CHCHD6: variants seen among roughly 807,000 people sequenced by gnomAD.
CHCHD6 encodes the protein coiled-coil-helix-coiled-coil-helix domain containing 6, also known as MICOS complex subunit MIC25.
CHCHD6 carries 28 observed loss-of-function variants against 32.3 expected under a neutral mutation model. The observed-to-expected ratio is 0.87, with a 90% CI of 0.64 to 1.19. The LOEUF is 1.19. Ranked by LOEUF, CHCHD6 falls within the 50% of genes most tolerant of loss-of-function variation. CHCHD6 has a pLI of 0.00. For synonymous variants in CHCHD6, 122 were observed against 117.5 expected (o/e 1.04, Z -0.25); for missense variants, 333 against 307.0 (o/e 1.08, Z -0.63).
At chr3:126,947,171 A>G (rs1052553458) in intron 6 of CHCHD6, among the ~76,000 whole-genome samples, 6 of 152,188 alleles carry the variant, frequency 3.9e-5, no homozygotes, top group Non-Finnish European at 5.9e-5. Flanking sequence ...TGCGCCCAAG[A>G]TGGGAAGGTG....
At chr3:126,839,457 A>G (rs1326958198) in intron 4 of CHCHD6, among the ~76,000 whole-genome samples, 1 of 152,234 alleles carries the variant, frequency 6.6e-6, no homozygotes, top group Non-Finnish European at 1.5e-5. Context: ...GTGGGAATGT[A>G]TGTAGCTGTG....
intron 5 of CHCHD6, among the ~76,000 whole-genome samples, chr3:126,906,859 G>A (rs1263153849): frequency 1.3e-5 from 2 of 152,176 alleles, no homozygotes; most frequent in Non-Finnish European, 2.9e-5. Flanking sequence ...TTTTCTCCCT[G>A]GACCAATGAA....
At chr3:126,815,647 C>A (rs551622859) in intron 4 of CHCHD6, among the ~76,000 whole-genome samples, 30 of 144,970 alleles carry the variant, frequency 2.1e-4, no homozygotes, top group Admixed American at 2.0e-3. Flanking sequence ...GTTCTTGCCC[C>A]CCCCCCCCCA....
intron 4 of CHCHD6, among the ~76,000 whole-genome samples, chr3:126,786,763 A>G (rs1040933370): frequency 4.6e-5 from 7 of 152,024 alleles, no homozygotes; most frequent in Admixed American, 2.0e-4. Context: ...ATTTTCTCCC[A>G]TTTTTTAGGT....
In CHCHD6 at chr3:126,957,418, C is replaced by T. The variant is rs769446858; in HGVS notation, c.569C>T (p.Pro190Leu). The T allele has an allele frequency of 3.1e-6, 5 of 1,610,690 alleles. No individual in the cohort carries two copies. The highest frequency in any genetic ancestry group is 4.2e-6 in the Non-Finnish European group (5 of 1,179,154). ...AASKMESTIK[P>L]RRVEPVCSGL... The stretch of plus-strand genomic sequence containing the variant: ...CTGCCTGCTCTTGTCTTCTGCAGGC[C>T]CCGCAGGGTGGAGCCCGTCTGCTCA... The change falls in exon 7 of 8, where the codon CCC (proline) becomes CTC (leucine). Residue 190 changes from proline (P) to leucine (L), a missense_variant and splice_region_variant. Coordinates refer to ENST00000290913, the MANE Select transcript of CHCHD6 (RefSeq NM_032343.3).
At chr3:126,718,064 G>A (rs1318013565) in intron 1 of CHCHD6, among the ~76,000 whole-genome samples, 1 of 152,162 alleles carries the variant, frequency 6.6e-6, no homozygotes, top group African/African-American at 2.4e-5. Flanking sequence ...GCAGGTTCAG[G>A]TTTGAGCCAC....
At chr3:126,727,340 G>A (rs1405257061) in intron 2 of CHCHD6, among the ~76,000 whole-genome samples, 154 bp downstream of exon 2, 1 of 152,194 alleles carries the variant, frequency 6.6e-6, no homozygotes, top group East Asian at 1.9e-4. Context: ...GGAAGAGCAT[G>A]GCTTTCTGGG....
intron 1 of CHCHD6, among the ~76,000 whole-genome samples, chr3:126,721,160 C>T (rs189436997): frequency 7.9e-5 from 12 of 152,328 alleles, no homozygotes; most frequent in African/African-American, 2.4e-4. Context: ...CCACCTCCCA[C>T]GCAGGCCGTG....
chr3:126,784,492 C>A (rs1239715730), intron 4 of CHCHD6, among the ~76,000 whole-genome samples: 1 of 152,118 alleles, frequency 6.6e-6, no homozygotes, highest in Non-Finnish European at 1.5e-5. Context: ...CTTTCTGCCC[C>A]CAACTGTGGA....
intron 4 of CHCHD6, chr3:126,766,520 G>T: frequency 1.2e-6 from 1 of 802,872 alleles, no homozygotes. Flanking sequence ...ACCAAAGAGT[G>T]TGAGTAGCCC....
intron 4 of CHCHD6, among the ~76,000 whole-genome samples, chr3:126,789,408 T>A (rs12872904): frequency 0.09 from 13,771 of 152,222 alleles, 798 homozygotes; most frequent in Middle Eastern, 0.21. Context: ...ATCTGTCTAA[T>A]GTTGACAGTG....
intron 4 of CHCHD6, among the ~76,000 whole-genome samples, chr3:126,760,564 G>A (rs1272616530): frequency 6.6e-6 from 1 of 152,122 alleles, no homozygotes; most frequent in African/African-American, 2.4e-5. Context: ...CACTACTCTA[G>A]GGACCTTATA....
At chr3:126,733,026 G>A in intron 3 of CHCHD6, 52 bp from the exon 4 acceptor site, 1 of 1,600,262 alleles carries the variant, frequency 6.2e-7, no homozygotes, top group Non-Finnish European at 8.6e-7. Context: ...TTGGCTATGG[G>A]CTGCCCGTCA....
At chr3:126,956,559 G>GGA (rs2078786329) in intron 6 of CHCHD6, among the ~76,000 whole-genome samples, 1 of 34,056 alleles carries the variant, frequency 2.9e-5, no homozygotes, top group Non-Finnish European at 1.6e-4. Context: ...CTGGCTGGCA[G>GGA]GGAGTGCACG....
At chr3:126,768,188 A>G (rs1419131822) in intron 4 of CHCHD6, among the ~76,000 whole-genome samples, 5 of 152,156 alleles carry the variant, frequency 3.3e-5, no homozygotes, top group African/African-American at 1.2e-4. Flanking sequence ...GTTTAGCACC[A>G]TCCCCTTAGT....
Position 126,957,551 on chromosome 3 carries a change from G to A in CHCHD6, c.702G>A (p.Lys234=). 6.4e-7 allele frequency: 1 copy of A among 1,563,668 alleles called. No individual in the cohort carries two copies. The highest frequency in any genetic ancestry group is 8.7e-7 in the Non-Finnish European group (1 of 1,154,202). ...AGCGCTGCGTGAGCGCCGCCCACAA[G>A]GTAAGGCCTTGCCTGCCTCCCAGGT... The part of the protein sequence containing the change: ...AYQRCVSAAH[K]G The change falls in exon 7 of 8, where the codon AAG becomes AAA. Residue 234 remains lysine (K), a splice_region_variant and synonymous_variant. Coordinates refer to ENST00000290913, the MANE Select transcript of CHCHD6 (RefSeq NM_032343.3).
At chr3:126,767,584 A>G in intron 4 of CHCHD6, 1 of 353,224 alleles carries the variant, frequency 2.8e-6, no homozygotes, top group Non-Finnish European at 5.2e-6. Flanking sequence ...TCTATTTTTT[A>G]TTTCTATTTA....
At chr3:126,939,309 A>T (rs1434837135) in intron 6 of CHCHD6, among the ~76,000 whole-genome samples, 5 of 152,178 alleles carry the variant, frequency 3.3e-5, no homozygotes, top group Non-Finnish European at 7.3e-5. Flanking sequence ...ACATGATCAG[A>T]TGTGTGTTTT....
intron 4 of CHCHD6, among the ~76,000 whole-genome samples, chr3:126,794,949 C>G (rs1357650595): frequency 6.6e-6 from 1 of 152,142 alleles, no homozygotes. Context: ...TGGAGAGCCA[C>G]ATCAACGGAT....
Sources: allele counts gnomAD v4.1 joint callset (sites outside exome capture counted in the v4.1 genomes callset), GRCh38; gene constraint gnomAD v4.1.1; transcripts MANE v1.5; gene names NCBI Gene and HGNC (gene_info 2026-07-23, HGNC 2026-07-21).